ULK4: variants seen among roughly 807,000 people sequenced by gnomAD.
The protein encoded by ULK4 is inactive serine/threonine-protein kinase ULK4.
Under a neutral mutation model 160.6 loss-of-function variants are expected in ULK4, and 133 were observed. The observed-to-expected ratio is 0.83, with a 90% confidence interval of 0.72 to 0.96. The LOEUF (loss-of-function observed/expected upper bound fraction) is 0.96. ULK4 is among the 40% of genes least tolerant of loss of function. The pLI is 0.00. For synonymous variants in ULK4, 534 were observed against 539.8 expected (o/e 0.99, Z 0.15); for missense variants, 1,580 against 1,499.5 (o/e 1.05, Z -0.89).
At chr3:41,521,928 C>A (rs2085943425) in intron 32 of ULK4, among the ~76,000 whole-genome samples, 1 of 152,054 alleles carries the variant, frequency 6.6e-6, no homozygotes, top group Non-Finnish European at 1.5e-5. Context: ...GCCAAATTTT[C>A]CTAGACTAAT....
intron 32 of ULK4, among the ~76,000 whole-genome samples, chr3:41,470,644 T>G (rs977054792): frequency 6.6e-6 from 1 of 152,098 alleles, no homozygotes; most frequent in Non-Finnish European, 1.5e-5. Flanking sequence ...CTAATAATAA[T>G]GACTACAGCT....
rs181536780 is a variant in ULK4, at chr3:41,308,031, T to C, written c.3679-58457A>G. ...AAGAAACGTGAAAACAACACATCCA[T>C]GCCCTCAGGAACAGAGTAGAGATTA... On this transcript the variant is annotated intron_variant, in intron 35 of 36. Transcript: ENST00000301831. Among the ~76,000 whole-genome samples the C allele has an allele frequency of 1.2e-4, 18 of 152,192 alleles. No homozygotes were observed. The East Asian group carries it at 3.1e-3, about 26-fold the overall frequency.
intron 17 of ULK4, among the ~76,000 whole-genome samples, chr3:41,841,468 G>C (rs1397450707): frequency 2.0e-5 from 3 of 150,452 alleles, no homozygotes; most frequent in Non-Finnish European, 3.0e-5. Flanking sequence ...CCCCGTCTGG[G>C]AGGTGAGGGG....
intron 17 of ULK4, among the ~76,000 whole-genome samples, chr3:41,844,852 C>T (rs557483900): frequency 6.6e-6 from 1 of 150,940 alleles, no homozygotes; most frequent in South Asian, 2.1e-4. Context: ...CCAGCAATTG[C>T]ACTCCTGAGC....
chr3:41,382,066 A>G (rs2081665529), intron 35 of ULK4, among the ~76,000 whole-genome samples: 1 of 152,280 alleles, frequency 6.6e-6, no homozygotes, highest in South Asian at 2.1e-4. Flanking sequence ...GTCATCTCAG[A>G]GAGGCCTTCC....
chr3:41,369,078 A>G (rs900670288), intron 35 of ULK4, among the ~76,000 whole-genome samples: 1 of 152,252 alleles, frequency 6.6e-6, no homozygotes, highest in Non-Finnish European at 1.5e-5. Flanking sequence ...TTGGTGGTCA[A>G]TGAATACAAC....
chr3:41,558,066 C>T (rs1337702775), intron 32 of ULK4, among the ~76,000 whole-genome samples: 1 of 152,098 alleles, frequency 6.6e-6, no homozygotes, highest in East Asian at 1.9e-4. Flanking sequence ...ATCTACAAAA[C>T]TTACTTATGC....
rs57224854 is a variant in ULK4, at chr3:41,412,553, A to ATTTTTTTTT, written c.3493-14298_3493-14290dup. Among the ~76,000 whole-genome samples, 91 of 100,430 alleles carry ATTTTTTTTT rather than the reference A, an allele frequency of 9.1e-4. 6 individuals carry two copies. The highest frequency in any genetic ancestry group is 2.1e-3 in the African/African-American group (51 of 24,088). 65.9% of individuals were successfully genotyped at this position (100,430 alleles called of 152,430 possible). On this transcript the variant is annotated intron_variant, in intron 34 of 36. Coordinates refer to ENST00000301831, the MANE Select transcript of ULK4 (RefSeq NM_017886.4). ...TAAAGGTCAATGGCAATGCAGTTGAATTTTTTTTTTTTTTTTTTTTTTTTT... is the reference window on the plus strand; with the variant it reads ...TAAAGGTCAATGGCAATGCAGTTGAATTTTTTTTTTTTTTTTTTTTTTTTTTTTTTTTTT...
intron 35 of ULK4, among the ~76,000 whole-genome samples, chr3:41,299,415 T>TTA (rs1468034812): frequency 6.6e-6 from 1 of 152,172 alleles, no homozygotes; most frequent in Non-Finnish European, 1.5e-5. Flanking sequence ...CAATGATTCT[T>TTA]TAAAGAGTTC....
Position 41,640,507 on chromosome 3 carries a change from G to C in ULK4, c.3071+23100C>G, listed in dbSNP as rs529102120. Among the ~76,000 whole-genome samples the C allele has an allele frequency of 1.6e-3, 249 of 152,264 alleles. 1 individual carries two copies. The highest frequency in any genetic ancestry group is 2.9e-3 in the Non-Finnish European group (197 of 68,014). On this transcript the variant is annotated intron_variant, in intron 30 of 36. Transcript: ENST00000301831. ...CCCAGGAAGCCTAAGGCTCTTCCTAGCAAAGAACTGAGGAGGTGACCAGAG... is the reference window on the plus strand; with the variant it reads ...CCCAGGAAGCCTAAGGCTCTTCCTACCAAAGAACTGAGGAGGTGACCAGAG...
chr3:41,805,433 G>A (rs1448681036), intron 19 of ULK4, among the ~76,000 whole-genome samples: 2 of 152,118 alleles, frequency 1.3e-5, no homozygotes, highest in African/African-American at 4.8e-5. Context: ...TTGCAAACAG[G>A]GACAATTTGA....
intron 30 of ULK4, among the ~76,000 whole-genome samples, chr3:41,641,874 T>TTA (rs2034215228): frequency 7.5e-6 from 1 of 133,874 alleles, no homozygotes; most frequent in Non-Finnish European, 1.5e-5. Context: ...TTAATACCTT[T>TTA]TTTTTTTTTT....
intron 21 of ULK4, among the ~76,000 whole-genome samples, chr3:41,776,500 C>G (rs2039629244): frequency 6.6e-6 from 1 of 150,634 alleles, no homozygotes; most frequent in Non-Finnish European, 1.5e-5. Context: ...AGTCACACTA[C>G]AAAGTACTAA....
At chr3:41,656,158 C>T (rs748796133) in intron 30 of ULK4, among the ~76,000 whole-genome samples, 33 of 151,410 alleles carry the variant, frequency 2.2e-4, no homozygotes, top group Non-Finnish European at 3.8e-4. Context: ...ATTACCTCCT[C>T]TAGGAATATT....
chr3:41,922,631 G>T (rs1003236675), intron 5 of ULK4, among the ~76,000 whole-genome samples: 4 of 151,382 alleles, frequency 2.6e-5, no homozygotes, highest in Non-Finnish European at 5.9e-5. Flanking sequence ...GTGGCAAGGT[G>T]GGGGGTGAGG....
At chr3:41,665,760 T>TA in intron 29 of ULK4, among the ~76,000 whole-genome samples, 1 of 152,232 alleles carries the variant, frequency 6.6e-6, no homozygotes, top group Non-Finnish European at 1.5e-5. Context: ...AAATTTTGTT[T>TA]AAAAAAAGAC....
At chr3:41,883,183 A>G (rs1575880822) in intron 17 of ULK4, among the ~76,000 whole-genome samples, 2 of 152,182 alleles carry the variant, frequency 1.3e-5, no homozygotes, top group African/African-American at 4.8e-5. Context: ...ACAGAGAGAA[A>G]ATGTTCCAAT....
At chr3:41,912,274 C>T (rs1030859342) in intron 9 of ULK4, among the ~76,000 whole-genome samples, 1 of 148,294 alleles carries the variant, frequency 6.7e-6, no homozygotes, top group Admixed American at 6.8e-5. Flanking sequence ...GGCTGCAATG[C>T]ACCATGATTG....
chr3:41,631,825 CTGGTTGCTATGATG>C (rs1282005775), intron 30 of ULK4, among the ~76,000 whole-genome samples: 1 of 152,016 alleles, frequency 6.6e-6, no homozygotes, highest in East Asian at 1.9e-4. Flanking sequence ...CCTTCCAACC[CTGGTTGCTATGATG>C]TGGTTGCAAG....
Sources: allele counts gnomAD v4.1 joint callset (sites outside exome capture counted in the v4.1 genomes callset), GRCh38; gene constraint gnomAD v4.1.1; transcripts MANE v1.5; gene names NCBI Gene and HGNC (gene_info 2026-07-23, HGNC 2026-07-21).